The following RBMS1 variants were observed in gnomAD, a reference collection of about 807,000 sequenced individuals.
RBMS1 encodes RNA binding motif single stranded interacting protein 1, also known as RNA-binding motif, single-stranded-interacting protein 1.
Under a neutral mutation model 62.3 loss-of-function variants are expected in RBMS1, and 17 were observed. The ratio of observed to expected loss-of-function variants is 0.27; its 90% CI spans 0.19 to 0.41. The LOEUF is 0.41. RBMS1 is among the 10% of genes least tolerant of loss of function. The pLI, the probability that RBMS1 is intolerant of heterozygous loss-of-function variation, is 1.00. For missense variants in RBMS1, 334 were observed against 504.5 expected, an observed-to-expected ratio of 0.66 and a Z score of 3.24; for synonymous variants, 172 against 170.0, an observed-to-expected ratio of 1.01 and a Z score of -0.09.
At chr2:160,410,529 C>A (rs1279695048) in intron 1 of RBMS1, among the ~76,000 whole-genome samples, 1 of 152,030 alleles carries the variant, frequency 6.6e-6, no homozygotes, top group African/African-American at 2.4e-5. Flanking sequence ...ACTATGAGAC[C>A]CTGTATATAA....
intron 1 of RBMS1, among the ~76,000 whole-genome samples, chr2:160,396,542 CTTTT>C (rs1249414999): frequency 2.7e-5 from 3 of 112,842 alleles, no homozygotes; most frequent in Non-Finnish European, 5.5e-5. Context: ...AGGGACTTTT[CTTTT>C]TATCTTTTTT....
chr2:160,334,000 T>C (rs1691427526), intron 2 of RBMS1, among the ~76,000 whole-genome samples: 1 of 152,154 alleles, frequency 6.6e-6, no homozygotes, highest in African/African-American at 2.4e-5. Flanking sequence ...CTTATTCTAG[T>C]ACCACAGACA....
intron 1 of RBMS1, among the ~76,000 whole-genome samples, chr2:160,396,651 C>T (rs372967499): frequency 6.6e-6 from 1 of 150,898 alleles, no homozygotes; most frequent in East Asian, 1.9e-4. Context: ...CTGCAACCTC[C>T]GCCTCCCGGG....
chr2:160,455,727 A>G (rs1574081464), intron 1 of RBMS1, among the ~76,000 whole-genome samples: 2 of 131,240 alleles, frequency 1.5e-5, no homozygotes, highest in Non-Finnish European at 3.1e-5. Context: ...TCTGTCGCCC[A>G]GGCTGGAGTG....
chr2:160,475,136 C>A (rs1289380262), intron 1 of RBMS1, among the ~76,000 whole-genome samples: 1 of 152,190 alleles, frequency 6.6e-6, no homozygotes, highest in Admixed American at 6.5e-5. Context: ...GTAATCACAG[C>A]AGATTTTTAA....
chr2:160,492,996 C>G (rs1379904562), intron 1 of RBMS1: 2 of 332,130 alleles, frequency 6.0e-6, no homozygotes, highest in African/African-American at 4.3e-5. Context: ...GGGCGCCGCT[C>G]GACCCCACGA....
intron 1 of RBMS1, among the ~76,000 whole-genome samples, chr2:160,406,910 G>A (rs1695741547): frequency 6.6e-6 from 1 of 152,164 alleles, no homozygotes; most frequent in Admixed American, 6.5e-5. Flanking sequence ...GGATGTCACA[G>A]GATTTCCCTG....
chr2:160,407,379 G>T lies in RBMS1; in HGVS notation c.76-39988C>A, dbSNP rs1230081515. 2.3e-5 allele frequency: 23 copies of T among 985,614 alleles called. No homozygotes were observed. In the Middle Eastern group the frequency reaches 1.5e-3, roughly 63 times the overall value. 61.1% of individuals were successfully genotyped at this position (985,614 alleles called of 1,614,324 possible). A position where few individuals can be genotyped will look rare whatever the true frequency, so the allele number is the denominator to read the frequency against. ...AGGTCACCGCCCAGCCGGTCCCTCC[G>T]AGGAGGCGCGGAGCCCCTGAGCGCG... On this transcript the variant is annotated intron_variant, in intron 1 of 13. Transcript: ENST00000348849.
chr2:160,367,608 T>C (rs1050441927), intron 1 of RBMS1: 3 of 752,870 alleles, frequency 4.0e-6, no homozygotes, highest in Non-Finnish European at 5.8e-6. Flanking sequence ...AAGTTCTCTA[T>C]GTGCACCTTA....
At chr2:160,443,650 C>T (rs550161020) in intron 1 of RBMS1, among the ~76,000 whole-genome samples, 3 of 152,260 alleles carry the variant, frequency 2.0e-5, no homozygotes, top group African/African-American at 7.2e-5. Context: ...CTCCCTAAGG[C>T]CTCCCCAGAA....
chr2:160,449,452 C>T (rs909211200), intron 1 of RBMS1, among the ~76,000 whole-genome samples: 1 of 152,242 alleles, frequency 6.6e-6, no homozygotes, highest in Non-Finnish European at 1.5e-5. Flanking sequence ...AAGAAGTAGA[C>T]ATGGGAGACT....
At chr2:160,354,733 C>T (rs1217393750) in intron 2 of RBMS1, among the ~76,000 whole-genome samples, 5 of 152,098 alleles carry the variant, frequency 3.3e-5, no homozygotes, top group Non-Finnish European at 7.4e-5. Context: ...ACATGTGACA[C>T]TTAACAGAGG....
At chr2:160,378,851 T>G (rs932479702) in intron 1 of RBMS1, among the ~76,000 whole-genome samples, 2 of 152,234 alleles carry the variant, frequency 1.3e-5, no homozygotes, top group African/African-American at 2.4e-5. Flanking sequence ...TTTTGTGAAC[T>G]CCACTGTTTG....
chr2:160,335,163 A>C (rs971081315), intron 2 of RBMS1, among the ~76,000 whole-genome samples: 1 of 152,178 alleles, frequency 6.6e-6, no homozygotes, highest in Admixed American at 6.5e-5. Flanking sequence ...CCTATCCACC[A>C]CTTGAAAAGG....
At chr2:160,415,885 G>A (rs1201102538) in intron 1 of RBMS1, among the ~76,000 whole-genome samples, 2 of 151,934 alleles carry the variant, frequency 1.3e-5, no homozygotes, top group Non-Finnish European at 2.9e-5. Flanking sequence ...TTATGTAAAT[G>A]AGAATACTGA....
intron 1 of RBMS1, among the ~76,000 whole-genome samples, chr2:160,475,591 C>G (rs1685090433): frequency 6.6e-6 from 1 of 152,324 alleles, no homozygotes; most frequent in East Asian, 1.9e-4. Context: ...TCCCTAAGAC[C>G]TGCCAACACA....
intron 1 of RBMS1, chr2:160,492,908 G>A (rs1238852244): frequency 5.1e-6 from 1 of 194,836 alleles, no homozygotes; most frequent in Non-Finnish European, 1.0e-5. Flanking sequence ...CTTGGAGAAG[G>A]GGTCGAAAAG....
At chr2:160,300,536 T>C in intron 6 of RBMS1, 115 bp downstream of exon 6, 1 of 1,328,844 alleles carries the variant, frequency 7.5e-7, no homozygotes. Context: ...TCCAACAAAA[T>C]GCATCTTAAA....
At chr2:160,311,232 C>CTATCTATCTATATA (rs1381483574) in intron 4 of RBMS1, among the ~76,000 whole-genome samples, 121 of 79,248 alleles carry the variant, frequency 1.5e-3, no homozygotes, top group Non-Finnish European at 2.7e-3. Flanking sequence ...ATCTATCTAT[C>CTATCTATCTATATA]TATATATATA....
Sources: gnomAD v4.1 joint callset for allele counts (sites outside exome capture counted in the v4.1 genomes callset) on GRCh38, gnomAD v4.1.1 for gene constraint, MANE v1.5 for transcripts, NCBI Gene and HGNC (gene_info 2026-07-23, HGNC 2026-07-21) for gene names.